Variants in CSMD3 observed in about 807,000 individuals in gnomAD.
CSMD3 encodes the protein CUB and sushi domain-containing protein 3.
In CSMD3, 177 loss-of-function variants were observed where a neutral mutation model predicts 435.2. The observed-to-expected ratio is 0.41, with a 90% CI of 0.36 to 0.46. The LOEUF is 0.46. Ranked by LOEUF, CSMD3 falls within the 20% of genes least tolerant of loss-of-function variation. The probability of loss-of-function intolerance (pLI) is 0.34; values close to 1 mark genes in which losing one functional copy is unlikely to be tolerated. For missense variants in CSMD3, 4,265 were observed against 4,504.6 expected (o/e 0.95, Z 1.52); for synonymous variants, 1,656 against 1,520.5 (o/e 1.09, Z -2.07).
intron 3 of CSMD3, among the ~76,000 whole-genome samples, chr8:113,203,782 T>C (rs993258505): frequency 1.3e-4 from 20 of 152,140 alleles, no homozygotes; most frequent in African/African-American, 4.8e-4. Context: ...CAGACTTCTC[T>C]TCCTTGTTTT....
chr8:113,107,350 T>TA (rs1302299239), intron 4 of CSMD3, among the ~76,000 whole-genome samples: 1 of 152,224 alleles, frequency 6.6e-6, no homozygotes, highest in African/African-American at 2.4e-5. Context: ...TGAACTCCTG[T>TA]TCTGCCTTGG....
chr8:112,861,184 T>C (rs1259576303), intron 10 of CSMD3, among the ~76,000 whole-genome samples: 1 of 151,740 alleles, frequency 6.6e-6, no homozygotes, highest in East Asian at 1.9e-4. Flanking sequence ...TCATTTTTCT[T>C]GTACTGATAA....
At chr8:112,383,744 AAG>A (rs1467606962) in intron 36 of CSMD3, 81 bp from the exon 37 acceptor site, 5 of 890,538 alleles carry the variant, frequency 5.6e-6, no homozygotes, top group South Asian at 1.3e-5. Context: ...CCCCTTGGAA[AAG>A]AGAGTTCAAA....
At chr8:113,005,772 T>A (rs2131095268) in intron 6 of CSMD3, among the ~76,000 whole-genome samples, 1 of 152,160 alleles carries the variant, frequency 6.6e-6, no homozygotes, top group East Asian at 1.9e-4. Context: ...CTCTTATTTT[T>A]AAAAAATAAT....
chr8:113,178,354 T>C (rs1033216253), intron 3 of CSMD3, among the ~76,000 whole-genome samples: 3 of 151,930 alleles, frequency 2.0e-5, no homozygotes, highest in Non-Finnish European at 2.9e-5. Context: ...CCTTAGATCA[T>C]TTCACAATTA....
intron 6 of CSMD3, among the ~76,000 whole-genome samples, chr8:113,017,765 G>A (rs1002035492): frequency 1.3e-5 from 2 of 151,916 alleles, no homozygotes; most frequent in African/African-American, 2.4e-5. Flanking sequence ...TTGAAATTGG[G>A]AACAGGATAA....
intron 2 of CSMD3, among the ~76,000 whole-genome samples, chr8:113,281,593 G>C (rs973709583): frequency 2.0e-5 from 3 of 151,724 alleles, no homozygotes; most frequent in Non-Finnish European, 2.9e-5. Context: ...ATAGTTGGTT[G>C]GTGAGTTCTT....
intron 24 of CSMD3, among the ~76,000 whole-genome samples, chr8:112,560,754 A>T (rs1828548904): frequency 6.6e-6 from 1 of 151,744 alleles, no homozygotes; most frequent in South Asian, 2.1e-4. Flanking sequence ...ATTTCAGAAC[A>T]TATTACTTTG....
chr8:113,164,301 A>C (rs1035884204), intron 4 of CSMD3, among the ~76,000 whole-genome samples: 1 of 151,832 alleles, frequency 6.6e-6, no homozygotes, highest in African/African-American at 2.4e-5. Flanking sequence ...GTTAGCTATA[A>C]ATTAAATATT....
At chr8:113,435,291 C>G (rs1297314086) in intron 1 of CSMD3, among the ~76,000 whole-genome samples, 3 of 152,150 alleles carry the variant, frequency 2.0e-5, no homozygotes, top group Admixed American at 6.6e-5. Context: ...GTTGCTGCCA[C>G]AGAGACCGGG....
intron 15 of CSMD3, among the ~76,000 whole-genome samples, 153 bp downstream of exon 15, chr8:112,685,253 G>A (rs929619710): frequency 6.6e-6 from 1 of 152,108 alleles, no homozygotes; most frequent in Non-Finnish European, 1.5e-5. Flanking sequence ...GATTGGAAAT[G>A]AAGGAAGAAA....
At chr8:113,274,603 G>A (rs1300360992) in intron 3 of CSMD3, among the ~76,000 whole-genome samples, 1 of 152,032 alleles carries the variant, frequency 6.6e-6, no homozygotes, top group Non-Finnish European at 1.5e-5. Context: ...AATGTAGAGA[G>A]TGAATAAGTA....
At chr8:112,682,330 A>C in intron 16 of CSMD3, 112 bp downstream of exon 16, 1 of 866,478 alleles carries the variant, frequency 1.2e-6, no homozygotes. Context: ...AATATCAAGA[A>C]ATGTTTTAAG....
intron 3 of CSMD3, among the ~76,000 whole-genome samples, chr8:113,239,727 C>G (rs746342555): frequency 6.6e-6 from 1 of 151,520 alleles, no homozygotes; most frequent in East Asian, 1.9e-4. Flanking sequence ...AGGGACTGTT[C>G]GTAGAAATAT....
chr8:112,281,680 G>A (rs2130586172), intron 58 of CSMD3, among the ~76,000 whole-genome samples: 1 of 152,180 alleles, frequency 6.6e-6, no homozygotes, highest in East Asian at 1.9e-4. Flanking sequence ...AAGAATCTCT[G>A]TCTAAAAAGC....
chr8:113,095,636 GATTCA>G (rs2090141806), intron 5 of CSMD3, among the ~76,000 whole-genome samples: 1 of 151,738 alleles, frequency 6.6e-6, no homozygotes, highest in Non-Finnish European at 1.5e-5. Flanking sequence ...TGTATTAGCA[GATTCA>G]ACCAATCACA....
At chr8:112,615,921 G>A (rs1221772046) in intron 22 of CSMD3, among the ~76,000 whole-genome samples, 1 of 152,116 alleles carries the variant, frequency 6.6e-6, no homozygotes, top group Non-Finnish European at 1.5e-5. Flanking sequence ...ATTGAGAAAA[G>A]AAAATCCCTT....
At chr8:113,358,375 TGTA>T (rs137942291) in intron 1 of CSMD3, among the ~76,000 whole-genome samples, 1,756 of 152,248 alleles carry the variant, frequency 0.012, 23 homozygotes, top group African/African-American at 0.032. Flanking sequence ...TTTTTTGAGA[TGTA>T]GTCTTGCTCT....
At chr8:112,313,184 C>T (rs1822144873) in intron 49 of CSMD3, among the ~76,000 whole-genome samples, 2 of 152,116 alleles carry the variant, frequency 1.3e-5, no homozygotes, top group Admixed American at 1.3e-4. Flanking sequence ...TCAGTAGACC[C>T]TATAAACAGG....
Sources: gnomAD v4.1 joint callset for allele counts (sites outside exome capture counted in the v4.1 genomes callset) on GRCh38, gnomAD v4.1.1 for gene constraint, MANE v1.5 for transcripts, NCBI Gene and HGNC (gene_info 2026-07-23, HGNC 2026-07-21) for gene names.